The following NUFIP1 variants were observed in gnomAD, a reference collection of about 807,000 sequenced individuals.
The protein encoded by NUFIP1 is nuclear FMR1 interacting protein 1.
NUFIP1 carries 38 observed loss-of-function variants against 56.2 expected under a neutral mutation model. That is an observed-to-expected ratio of 0.68 (90% CI 0.52 to 0.89). The LOEUF (loss-of-function observed/expected upper bound fraction) is 0.89. Among genes scored for constraint, NUFIP1 ranks in the 40% least tolerant of loss-of-function variants. The pLI, the probability that NUFIP1 is intolerant of heterozygous loss-of-function variation, is 0.00. For missense variants in NUFIP1, 567 were observed against 605.8 expected (o/e 0.94, Z 0.67); for synonymous variants, 215 against 212.4 (o/e 1.01, Z -0.10).
At chr13:44,959,695 C>T (rs1471635269) in intron 6 of NUFIP1, 121 bp from the exon 7 acceptor site, 2 of 745,676 alleles carry the variant, frequency 2.7e-6, no homozygotes, top group Admixed American at 2.8e-5. Context: ...TAGCCTAGTA[C>T]ATTAAAGAGA....
intron 8 of NUFIP1, among the ~76,000 whole-genome samples, chr13:44,945,876 G>A (rs1441848414): frequency 6.6e-6 from 1 of 151,962 alleles, no homozygotes; most frequent in African/African-American, 2.4e-5. Flanking sequence ...AGACAAGAGT[G>A]GCAAAACCCA....
intron 8 of NUFIP1, among the ~76,000 whole-genome samples, chr13:44,944,316 T>C (rs1377942863): frequency 6.6e-6 from 1 of 152,104 alleles, no homozygotes. Context: ...TCTGTATTAA[T>C]GTCAGACAAA....
At chr13:44,955,245 T>C (rs1277546552) in intron 7 of NUFIP1, among the ~76,000 whole-genome samples, 1 of 152,126 alleles carries the variant, frequency 6.6e-6, no homozygotes, top group African/African-American at 2.4e-5. Context: ...TGACAGACAA[T>C]AAGCCACACT....
intron 5 of NUFIP1, among the ~76,000 whole-genome samples, chr13:44,973,499 CA>C (rs1200829448): frequency 1.3e-5 from 2 of 152,140 alleles, no homozygotes; most frequent in Non-Finnish European, 2.9e-5. Flanking sequence ...CTTCAAGCAC[CA>C]TTTACACACA....
chr13:44,972,753 T>C (rs903322243), intron 5 of NUFIP1, among the ~76,000 whole-genome samples: 5 of 152,208 alleles, frequency 3.3e-5, no homozygotes, highest in Non-Finnish European at 7.3e-5. Context: ...GGATTATCCC[T>C]ACATAGCTAA....
intron 5 of NUFIP1, among the ~76,000 whole-genome samples, chr13:44,974,480 C>CT (rs1267115431): frequency 3.9e-5 from 6 of 152,222 alleles, no homozygotes; most frequent in African/African-American, 1.4e-4. Flanking sequence ...GTATGTCCAA[C>CT]TTTAGAATCC....
chr13:44,984,816 G>A (rs959035107), intron 1 of NUFIP1, among the ~76,000 whole-genome samples: 4 of 151,816 alleles, frequency 2.6e-5, no homozygotes, highest in African/African-American at 9.7e-5. Flanking sequence ...CCATTAACTC[G>A]TCATTTAGCA....
chr13:44,986,155 A>C (rs1872382311), intron 1 of NUFIP1, among the ~76,000 whole-genome samples: 1 of 152,202 alleles, frequency 6.6e-6, no homozygotes, highest in Admixed American at 6.5e-5. Context: ...AGTGATTCAT[A>C]GATAGTGATT....
intron 5 of NUFIP1, among the ~76,000 whole-genome samples, chr13:44,968,209 G>A (rs1315720300): frequency 6.6e-6 from 1 of 152,062 alleles, no homozygotes; most frequent in African/African-American, 2.4e-5. Context: ...AAAGATCAAG[G>A]TCATAGGAGA....
intron 5 of NUFIP1, among the ~76,000 whole-genome samples, chr13:44,977,749 T>C (rs1169272230): frequency 6.6e-6 from 1 of 152,304 alleles, no homozygotes; most frequent in African/African-American, 2.4e-5. Flanking sequence ...CCTGACTTGT[T>C]TAAAAATTGA....
chr13:44,970,967 C>T (rs979136031), intron 5 of NUFIP1, among the ~76,000 whole-genome samples: 15 of 152,160 alleles, frequency 9.9e-5, no homozygotes, highest in African/African-American at 1.4e-4. Context: ...TGAGCCACCA[C>T]GCCCGGCCCA....
intron 5 of NUFIP1, among the ~76,000 whole-genome samples, chr13:44,970,701 GT>G (rs1871774665): frequency 6.6e-6 from 1 of 152,154 alleles, no homozygotes; most frequent in Admixed American, 6.6e-5. Flanking sequence ...TATTGAGACA[GT>G]CTCACTCTGT....
In NUFIP1 at chr13:44,941,185, G is replaced by A; in HGVS notation, c.*21C>T. 2 of 1,206,282 alleles carry A rather than the reference G, an allele frequency of 1.7e-6. No homozygotes were observed. The highest frequency in any genetic ancestry group is 2.5e-5 in the South Asian group (2 of 79,116). 74.7% of individuals were successfully genotyped at this position (1,206,282 alleles called of 1,614,324 possible). A position where few individuals can be genotyped will look rare whatever the true frequency, so the allele number is the denominator to read the frequency against. On this transcript the variant is annotated 3_prime_UTR_variant, in exon 10 of 10. Coordinates refer to ENST00000379161, the MANE Select transcript of NUFIP1 (RefSeq NM_012345.3). ...ATACTGTTTCACATGCTTCAGTTAT[G>A]TATGCTGAAACACCAGATGCCTATA...
At chr13:44,961,052 GAAAAAAA>G (rs975537873) in intron 6 of NUFIP1, among the ~76,000 whole-genome samples, 806 of 53,576 alleles carry the variant, frequency 0.015, 3 homozygotes, top group Middle Eastern at 0.081. Flanking sequence ...TCTGTCTCCA[GAAAAAAA>G]AAAAAAAAAA....
At chr13:44,952,642 T>A (rs983268045) in intron 7 of NUFIP1, among the ~76,000 whole-genome samples, 5 of 152,178 alleles carry the variant, frequency 3.3e-5, no homozygotes, top group African/African-American at 1.2e-4. Context: ...AGAGTCTCCA[T>A]ATATCCTTCA....
At chr13:44,942,238 G>C (rs1336868608) in intron 9 of NUFIP1, among the ~76,000 whole-genome samples, 2 of 152,102 alleles carry the variant, frequency 1.3e-5, no homozygotes, top group African/African-American at 4.8e-5. Flanking sequence ...CCATTTTTGT[G>C]CTTATTGTAA....
chr13:44,964,796 CTCATATT>C (rs1871544356), intron 6 of NUFIP1, among the ~76,000 whole-genome samples: 2 of 152,010 alleles, frequency 1.3e-5, no homozygotes, highest in African/African-American at 4.8e-5. Flanking sequence ...CTGTTTGTAC[CTCATATT>C]TCACAGGGCA....
intron 9 of NUFIP1, among the ~76,000 whole-genome samples, chr13:44,943,088 A>G (rs1043304962): frequency 1.3e-5 from 2 of 152,158 alleles, no homozygotes; most frequent in African/African-American, 2.4e-5. Flanking sequence ...ATGGTTCTCA[A>G]TAGACATTTG....
intron 8 of NUFIP1, among the ~76,000 whole-genome samples, chr13:44,945,585 CA>C (rs1291163769): frequency 6.6e-6 from 1 of 151,976 alleles, no homozygotes. Context: ...AATATTAGAT[CA>C]AATCCATCAA....
Sources: gnomAD v4.1 joint callset for allele counts (sites outside exome capture counted in the v4.1 genomes callset) on GRCh38, gnomAD v4.1.1 for gene constraint, MANE v1.5 for transcripts, NCBI Gene and HGNC (gene_info 2026-07-23, HGNC 2026-07-21) for gene names.